LUZP2: variants seen among roughly 807,000 people sequenced by gnomAD.
LUZP2 encodes leucine zipper protein 2.
LUZP2 carries 52 observed loss-of-function variants against 51.6 expected under a neutral mutation model. That is an observed-to-expected ratio of 1.01 (90% CI 0.81 to 1.27). The LOEUF (loss-of-function observed/expected upper bound fraction) is 1.27, where lower values mean the gene tolerates loss of function less well. Ranked by LOEUF, LUZP2 falls within the 50% of genes most tolerant of loss-of-function variation. The pLI is 0.00. For missense variants in LUZP2, 436 were observed against 395.4 expected (o/e 1.10, Z -0.87); for synonymous variants, 154 against 137.3 (o/e 1.12, Z -0.85).
chr11:24,918,912 CATA>C (rs1853905568), intron 7 of LUZP2, among the ~76,000 whole-genome samples: 1 of 11,082 alleles, frequency 9.0e-5, no homozygotes, highest in African/African-American at 1.9e-4. Flanking sequence ...AATATATATC[CATA>C]ATATGTATTA....
At chr11:24,802,285 CTG>C (rs772296741) in intron 5 of LUZP2, among the ~76,000 whole-genome samples, 33 of 151,990 alleles carry the variant, frequency 2.2e-4, no homozygotes, top group Non-Finnish European at 4.4e-4. Flanking sequence ...GTGTTTTATC[CTG>C]TGTGTATACT....
At chr11:24,588,753 C>T (rs1349868880) in intron 1 of LUZP2, among the ~76,000 whole-genome samples, 1 of 151,840 alleles carries the variant, frequency 6.6e-6, no homozygotes, top group Non-Finnish European at 1.5e-5. Flanking sequence ...TTTTACTTTT[C>T]TTATTGAAGT....
chr11:24,987,690 T>C (rs1856228157), intron 9 of LUZP2, among the ~76,000 whole-genome samples: 1 of 151,974 alleles, frequency 6.6e-6, no homozygotes, highest in Non-Finnish European at 1.5e-5. Flanking sequence ...GGGCTCTCTT[T>C]AGGAGCTTAA....
At chr11:25,030,221 T>C (rs1369259754) in intron 9 of LUZP2, among the ~76,000 whole-genome samples, 1 of 152,178 alleles carries the variant, frequency 6.6e-6, no homozygotes, top group African/African-American at 2.4e-5. Flanking sequence ...TTTTTGGAAC[T>C]CACATTTTTC....
intron 1 of LUZP2, among the ~76,000 whole-genome samples, chr11:24,682,875 G>T (rs559823393): frequency 1.3e-5 from 2 of 151,812 alleles, no homozygotes; most frequent in African/African-American, 2.4e-5. Flanking sequence ...GTGATGGCGC[G>T]TGCCTCTAGT....
intron 1 of LUZP2, among the ~76,000 whole-genome samples, chr11:24,698,126 G>A (rs906776465): frequency 1.3e-5 from 2 of 152,146 alleles, no homozygotes; most frequent in Admixed American, 1.3e-4. Context: ...TGGCTGTCTT[G>A]TGATAATTAA....
At chr11:24,780,422 G>A (rs1230498906) in intron 5 of LUZP2, among the ~76,000 whole-genome samples, 1 of 152,064 alleles carries the variant, frequency 6.6e-6, no homozygotes, top group Non-Finnish European at 1.5e-5. Context: ...CCTTTGCTTT[G>A]TGTGGAAAAG....
chr11:24,854,434 A>C (rs1466961511), intron 5 of LUZP2, among the ~76,000 whole-genome samples: 1 of 152,190 alleles, frequency 6.6e-6, no homozygotes, highest in Non-Finnish European at 1.5e-5. Flanking sequence ...GTGGAAAACC[A>C]CCTACTCAAG....
chr11:24,777,593 T>C (rs2134067151), intron 5 of LUZP2, among the ~76,000 whole-genome samples: 1 of 152,298 alleles, frequency 6.6e-6, no homozygotes, highest in African/African-American at 2.4e-5. Flanking sequence ...AACATATTTG[T>C]ACTAATCTCA....
Position 24,610,016 on chromosome 11 carries a change from T to C in LUZP2, c.62+112711T>C, listed in dbSNP as rs534201455. 3.3e-5 allele frequency among the ~76,000 whole-genome samples: 5 copies of C among 152,216 alleles called. No homozygotes were observed. In the East Asian group the frequency reaches 5.8e-4, roughly 18 times the overall value. ...AGGCTAACCTGGGAGTAACAACAACTGAGGCAGACAATTTAACAGAAAGAT... is the reference window on the plus strand; with the variant it reads ...AGGCTAACCTGGGAGTAACAACAACCGAGGCAGACAATTTAACAGAAAGAT... On this transcript the variant is annotated intron_variant, in intron 1 of 11. Coordinates refer to ENST00000336930, the MANE Select transcript of LUZP2 (RefSeq NM_001009909.4).
At chr11:24,915,230 G>A (rs1027369295) in intron 7 of LUZP2, among the ~76,000 whole-genome samples, 2 of 152,026 alleles carry the variant, frequency 1.3e-5, no homozygotes, top group African/African-American at 4.8e-5. Flanking sequence ...AGGGCCAGAA[G>A]CATGACAATG....
intron 3 of LUZP2, among the ~76,000 whole-genome samples, chr11:24,733,126 AT>A (rs1350369340): frequency 7.2e-5 from 11 of 151,880 alleles, no homozygotes; most frequent in Admixed American, 3.3e-4. Context: ...TCAAAACTCT[AT>A]TATTGACATG....
At chr11:24,717,583 A>AT (rs71041797) in intron 1 of LUZP2, among the ~76,000 whole-genome samples, 6,302 of 143,234 alleles carry the variant, frequency 0.044, 401 homozygotes, top group African/African-American at 0.14. Flanking sequence ...AATTTTTTGT[A>AT]TTTTTTTTTT....
intron 5 of LUZP2, among the ~76,000 whole-genome samples, chr11:24,852,413 G>A (rs1199874232): frequency 6.6e-6 from 1 of 152,148 alleles, no homozygotes; most frequent in Non-Finnish European, 1.5e-5. Flanking sequence ...TACTTGTGCA[G>A]TTTTGAGTGA....
At chr11:24,861,737 A>C (rs907094598) in intron 5 of LUZP2, among the ~76,000 whole-genome samples, 1 of 152,160 alleles carries the variant, frequency 6.6e-6, no homozygotes, top group Admixed American at 6.5e-5. Flanking sequence ...TGGAGCAAAC[A>C]CAGTTTGCAG....
intron 7 of LUZP2, among the ~76,000 whole-genome samples, chr11:24,951,517 C>G (rs888908146): frequency 6.6e-6 from 1 of 151,486 alleles, no homozygotes; most frequent in Admixed American, 6.6e-5. Context: ...TAAGCATTTA[C>G]GATTGTGTAA....
chr11:24,875,564 C>T (rs181510228), intron 5 of LUZP2, among the ~76,000 whole-genome samples: 4,870 of 146,624 alleles, frequency 0.033, 115 homozygotes, highest in Non-Finnish European at 0.047. Context: ...AATAAACATA[C>T]GTGTGCATGT....
At chr11:24,806,054 T>G (rs191613827) in intron 5 of LUZP2, among the ~76,000 whole-genome samples, 1 of 152,270 alleles carries the variant, frequency 6.6e-6, no homozygotes, top group African/African-American at 2.4e-5. Flanking sequence ...TTGGAAGATA[T>G]GAAGAGACCA....
intron 1 of LUZP2, among the ~76,000 whole-genome samples, chr11:24,607,066 T>C (rs1249210699): frequency 1.3e-5 from 2 of 152,002 alleles, no homozygotes; most frequent in Admixed American, 6.6e-5. Flanking sequence ...AGTTAAATTA[T>C]TTTTTTGTAT....
Sources: gnomAD v4.1 joint callset for allele counts (sites outside exome capture counted in the v4.1 genomes callset) on GRCh38, gnomAD v4.1.1 for gene constraint, MANE v1.5 for transcripts, NCBI Gene and HGNC (gene_info 2026-07-23, HGNC 2026-07-21) for gene names.